Variants in ACYP2 observed in about 807,000 individuals in gnomAD.
ACYP2 encodes the protein acylphosphatase 2.
A neutral mutation model predicts 11.2 loss-of-function variants in ACYP2; 12 were observed. The observed-to-expected ratio is 1.08, with a 90% CI of 0.69 to 1.74. ACYP2 has a LOEUF of 1.74. Ranked by LOEUF, ACYP2 falls within the 40% of genes most tolerant of loss-of-function variation. The probability of loss-of-function intolerance (pLI) is 0.00; values close to 1 mark genes in which losing one functional copy is unlikely to be tolerated. For synonymous variants in ACYP2, 43 were observed against 32.2 expected (o/e 1.33, Z -1.13); for missense variants, 134 against 101.9 (o/e 1.31, Z -1.35).
At position 54,143,759 on chromosome 2, in the gene ACYP2, G is replaced by A. The variant is rs904537434; in HGVS notation, c.404+5011G>A. On this transcript the variant is annotated intron_variant, in intron 6 of 6. Transcript: ENST00000607452. ...TTTTTTTTTTTTTTTTTTTTTTTTG[G>A]GGGGGGGGTATTCTATCATGTTTTG... Among the ~76,000 whole-genome samples, 11 of 107,166 alleles carry A rather than the reference G, an allele frequency of 1.0e-4. 1 individual carries two copies. In the South Asian group the frequency reaches 2.4e-3, roughly 23 times the overall value. The allele number at this position is 107,166 out of a possible 152,430, so 70.3% of individuals were successfully genotyped here.
chr2:54,273,383 G>C (rs1055697129), intron 6 of ACYP2, among the ~76,000 whole-genome samples: 3 of 152,202 alleles, frequency 2.0e-5, no homozygotes, highest in Non-Finnish European at 4.4e-5. Flanking sequence ...ACAGCCCCTA[G>C]AAGGCATAGA....
intron 3 of ACYP2, chr2:54,051,181 C>T (rs1675848327): frequency 1.4e-6 from 1 of 721,112 alleles, no homozygotes; most frequent in Non-Finnish European, 2.5e-6. Flanking sequence ...TTGGGCGACT[C>T]TGCCTCACTG....
In ACYP2 at chr2:54,268,001, C is replaced by T. The variant is rs539333541; in HGVS notation, c.405-36687C>T. Among the ~76,000 whole-genome samples the T allele has an allele frequency of 4.8e-4, 73 of 152,290 alleles. No individual in the cohort carries two copies. In the South Asian group the frequency reaches 8.1e-3, roughly 17 times the overall value. On this transcript the variant is annotated intron_variant, in intron 6 of 6. Transcript: ENST00000607452. Reference sequence around the variant, plus strand: ...CCAAGTAATGCTCATACTACACTTACCAATTTCAAATTTTAAAAATACATA... The same window carrying T: ...CCAAGTAATGCTCATACTACACTTATCAATTTCAAATTTTAAAAATACATA...
At chr2:54,090,135 A>G (rs11695936) in intron 4 of ACYP2, among the ~76,000 whole-genome samples, 23,160 of 143,632 alleles carry the variant, frequency 0.16, 1,903 homozygotes, top group African/African-American at 0.23. Flanking sequence ...ACAGAATGAT[A>G]CTCCGTCTCA....
At position 54,304,789 on chromosome 2, in the gene ACYP2, G is replaced by T; in HGVS notation, c.506G>T (p.Ser169Ile). The T allele has an allele frequency of 6.3e-7, 1 of 1,592,588 alleles. No individual in the cohort carries two copies. The highest frequency in any genetic ancestry group is 8.6e-7 in the Non-Finnish European group (1 of 1,163,444). Reference sequence around the variant, plus strand: ...TCTAAGCTTGAATACTCTAATTTTAGTATTAGATACTAATAGAAGAGAAAA... The same window carrying T: ...TCTAAGCTTGAATACTCTAATTTTATTATTAGATACTAATAGAAGAGAAAA... The change falls in exon 7 of 7, where the codon AGT (serine) becomes ATT (isoleucine). Residue 169 changes from serine (S) to isoleucine (I), a missense_variant. Ser to Ile is a moderately radical substitution (Grantham distance 142). Transcript: ENST00000607452.
chr2:54,178,324 A>G lies in ACYP2; in HGVS notation c.404+39576A>G, dbSNP rs533823898. On this transcript the variant is annotated intron_variant, in intron 6 of 6. Coordinates refer to ENST00000607452, the MANE Select transcript of ACYP2 (RefSeq NM_001320586.2). ...ATAAACACATTTTTAAAGGACTGTT[A>G]TATTATGGCTGGACCGTGAACCTTG... Among the ~76,000 whole-genome samples the G allele has an allele frequency of 1.4e-4, 22 of 152,326 alleles. No individual in the cohort carries two copies. In the South Asian group the frequency reaches 4.6e-3, roughly 32 times the overall value.
intron 6 of ACYP2, among the ~76,000 whole-genome samples, chr2:54,291,013 G>T (rs1689281865): frequency 6.6e-6 from 1 of 152,124 alleles, no homozygotes; most frequent in South Asian, 2.1e-4. Context: ...CTAGAAAGAT[G>T]ATCTATTCTT....
intron 6 of ACYP2, among the ~76,000 whole-genome samples, chr2:54,218,899 C>G (rs191225167): frequency 6.6e-6 from 1 of 152,216 alleles, no homozygotes; most frequent in East Asian, 1.9e-4. Flanking sequence ...TAGGGTCAAA[C>G]GGGCATCTTC....
chr2:54,120,718 C>T (rs865904355), intron 4 of ACYP2, among the ~76,000 whole-genome samples: 7 of 152,146 alleles, frequency 4.6e-5, no homozygotes, highest in South Asian at 4.1e-4. Flanking sequence ...CTGGATCCTG[C>T]GCTTGCCTTG....
At chr2:54,256,354 T>G in intron 6 of ACYP2, 1 of 593,786 alleles carries the variant, frequency 1.7e-6, no homozygotes, top group Non-Finnish European at 3.0e-6. Context: ...TTTGTTATTT[T>G]AGCCATCGTG....
At chr2:54,210,567 C>G (rs1210252132) in intron 6 of ACYP2, among the ~76,000 whole-genome samples, 2 of 152,076 alleles carry the variant, frequency 1.3e-5, no homozygotes, top group Admixed American at 6.6e-5. Context: ...AAGATGTTGC[C>G]ACAAGTCTAG....
chr2:53,985,857 A>G (rs1370237800), intron 2 of ACYP2, among the ~76,000 whole-genome samples: 2 of 152,162 alleles, frequency 1.3e-5, no homozygotes, highest in Non-Finnish European at 2.9e-5. Flanking sequence ...CTGGTTGACC[A>G]GTGCTCAGTG....
chr2:54,056,076 A>G (rs1558498564), intron 3 of ACYP2, among the ~76,000 whole-genome samples: 1 of 152,178 alleles, frequency 6.6e-6, no homozygotes, highest in Non-Finnish European at 1.5e-5. Flanking sequence ...TTCTGGATTA[A>G]TGTAGTTAAT....
intron 6 of ACYP2, among the ~76,000 whole-genome samples, chr2:54,200,550 G>T (rs565268577): frequency 1.3e-5 from 2 of 152,110 alleles, no homozygotes; most frequent in Non-Finnish European, 2.9e-5. Flanking sequence ...TTTCACTGAG[G>T]ATAATGTTTT....
At chr2:54,136,663 A>G (rs1017109174) in intron 5 of ACYP2, among the ~76,000 whole-genome samples, 1 of 152,186 alleles carries the variant, frequency 6.6e-6, no homozygotes, top group Non-Finnish European at 1.5e-5. Context: ...GCCTCCATAC[A>G]GGAGAAGAGT....
At chr2:54,184,640 A>G (rs1028417988) in intron 6 of ACYP2, among the ~76,000 whole-genome samples, 2 of 152,208 alleles carry the variant, frequency 1.3e-5, no homozygotes, top group Admixed American at 6.5e-5. Context: ...ATAAATACAA[A>G]TATGATAAAT....
chr2:54,056,246 C>G lies in ACYP2; in HGVS notation c.156-993C>G, dbSNP rs554119716. 4.1e-4 allele frequency among the ~76,000 whole-genome samples: 63 copies of G among 152,304 alleles called. 1 individual carries two copies. The highest frequency in any genetic ancestry group is 1.5e-3 in the African/African-American group (63 of 41,560). On this transcript the variant is annotated intron_variant, in intron 3 of 6. Transcript: ENST00000607452. ...GGACACCCTAAGTTTATCTGCTTATCTACTGAACTGATAGGCAGCAAAGAA... is the reference window on the plus strand; with the variant it reads ...GGACACCCTAAGTTTATCTGCTTATGTACTGAACTGATAGGCAGCAAAGAA...
chr2:53,977,536 C>T (rs1246107400), intron 2 of ACYP2, among the ~76,000 whole-genome samples: 3 of 151,354 alleles, frequency 2.0e-5, no homozygotes, highest in African/African-American at 7.3e-5. Flanking sequence ...AGTTTGAGAC[C>T]AGCCTGACCA....
chr2:54,138,868 C>G, intron 6 of ACYP2, 120 bp downstream of exon 3: 2 of 743,658 alleles, frequency 2.7e-6, no homozygotes, highest in South Asian at 3.7e-5. Context: ...TCTCGGCTCA[C>G]TACAACCTCT....
Sources: gnomAD v4.1 joint callset for allele counts (sites outside exome capture counted in the v4.1 genomes callset) on GRCh38, gnomAD v4.1.1 for gene constraint, MANE v1.5 for transcripts, NCBI Gene and HGNC (gene_info 2026-07-23, HGNC 2026-07-21) for gene names.